PCSK5: variants seen among roughly 807,000 people sequenced by gnomAD.
PCSK5 encodes the protein prohormone convertase 5.
Under a neutral mutation model 233.2 loss-of-function variants are expected in PCSK5, and 129 were observed. The ratio of observed to expected loss-of-function variants is 0.55; its 90% CI spans 0.48 to 0.64. The LOEUF (loss-of-function observed/expected upper bound fraction) is 0.64. PCSK5 is among the 30% of genes least tolerant of loss of function. The pLI is 0.00. For missense variants in PCSK5, 2,076 were observed against 2,430.1 expected, an observed-to-expected ratio of 0.85 and a Z score of 3.06; for synonymous variants, 825 against 879.2, an observed-to-expected ratio of 0.94 and a Z score of 1.09.
chr9:76,067,103 G>T lies in PCSK5; in HGVS notation c.633-852G>T, dbSNP rs149200372. On this transcript the variant is annotated intron_variant, in intron 5 of 37. Transcript: ENST00000674117. ...GAATTCTTCCCAGCACACAGTTTTA[G>T]GCCACCGTTTCTAAGCAAATTGTAC... is the stretch of plus-strand genomic sequence containing the variant. Among the ~76,000 whole-genome samples, 11 of 152,254 alleles carry T rather than the reference G, an allele frequency of 7.2e-5. No individual in the cohort carries two copies. In the East Asian group the frequency reaches 2.1e-3, roughly 29 times the overall value.
At chr9:76,175,292 G>GAATAGAATAC (rs1564081507) in intron 14 of PCSK5, 163 bp downstream of exon 14, 3 of 357,684 alleles carry the variant, frequency 8.4e-6, no homozygotes, top group Non-Finnish European at 1.5e-5. Flanking sequence ...GAATCGAATC[G>GAATAGAATAC]AATAGAATAG....
chr9:76,256,723 C>T (rs1826994662), intron 24 of PCSK5, among the ~76,000 whole-genome samples: 1 of 152,194 alleles, frequency 6.6e-6, no homozygotes, highest in Non-Finnish European at 1.5e-5. Context: ...AAAAATGAGT[C>T]TGGCAGTAGT....
At chr9:76,071,682 T>C in intron 6 of PCSK5, 44 bp from the exon 7 acceptor site, 1 of 1,533,728 alleles carries the variant, frequency 6.5e-7, no homozygotes, top group Non-Finnish European at 8.9e-7. Context: ...GAGTGTTGTG[T>C]AGGGAAGCCC....
chr9:75,996,011 T>C (rs1827005336), intron 3 of PCSK5, among the ~76,000 whole-genome samples: 1 of 152,148 alleles, frequency 6.6e-6, no homozygotes, highest in Non-Finnish European at 1.5e-5. Context: ...GATTTTCAAA[T>C]ACTGGTCCAA....
At chr9:76,206,826 T>C (rs752139431) in intron 20 of PCSK5, among the ~76,000 whole-genome samples, 1 of 152,220 alleles carries the variant, frequency 6.6e-6, no homozygotes, top group Non-Finnish European at 1.5e-5. Flanking sequence ...TAATTTCTTA[T>C]GGCTGCTCTA....
At chr9:76,000,862 T>TG (rs1438048758) in intron 3 of PCSK5, among the ~76,000 whole-genome samples, 2 of 152,046 alleles carry the variant, frequency 1.3e-5, no homozygotes, top group African/African-American at 4.8e-5. Context: ...ATTATTATCT[T>TG]GCATATTTTG....
intron 14 of PCSK5, 117 bp downstream of exon 14, chr9:76,175,246 G>T: frequency 3.0e-6 from 2 of 667,264 alleles, no homozygotes; most frequent in Non-Finnish European, 5.2e-6. Context: ...GAAATGGAAT[G>T]GAATGGAATG....
intron 3 of PCSK5, among the ~76,000 whole-genome samples, chr9:76,019,750 G>T (rs1828101490): frequency 6.6e-6 from 1 of 152,140 alleles, no homozygotes; most frequent in Non-Finnish European, 1.5e-5. Flanking sequence ...CATAACCCTG[G>T]TATGGAAAAG....
At chr9:76,116,662 T>A (rs981573171) in intron 9 of PCSK5, among the ~76,000 whole-genome samples, 1 of 152,056 alleles carries the variant, frequency 6.6e-6, no homozygotes, top group African/African-American at 2.4e-5. Context: ...GAGCTGAGTG[T>A]TTATATTGGT....
In PCSK5 at chr9:76,308,712, C is replaced by T. The variant is rs1828777184; in HGVS notation, c.3672C>T (p.Cys1224=). 6.2e-7 allele frequency: 1 copy of T among 1,607,296 alleles called. No homozygotes were observed. The highest frequency in any genetic ancestry group is 1.1e-5 in the South Asian group (1 of 90,890). ...CKTCNGSATL[C]TSCPKGAYLL... ...CCTGCAATGGATCTGCAACTCTGTG[C>T]ACTTCATGTCCCAAAGGTTAGTGTG... Residue 1224 remains cysteine (C), a synonymous_variant, in exon 29 of 38, where the codon TGC becomes TGT. Transcript: ENST00000674117.
intron 20 of PCSK5, among the ~76,000 whole-genome samples, chr9:76,192,157 G>A (rs1435816186): frequency 6.6e-6 from 1 of 151,688 alleles, no homozygotes; most frequent in East Asian, 1.9e-4. Flanking sequence ...TTGGTACCAG[G>A]CATTTCAAGA....
chr9:76,189,484 C>A, intron 19 of PCSK5, 147 bp from the exon 20 acceptor site: 2 of 652,586 alleles, frequency 3.1e-6, no homozygotes, highest in Non-Finnish European at 5.4e-6. Context: ...CTACCTGTGT[C>A]ACCTAACCTA....
intron 7 of PCSK5, among the ~76,000 whole-genome samples, chr9:76,079,630 C>A (rs1830764565): frequency 6.6e-6 from 1 of 152,176 alleles, no homozygotes; most frequent in Non-Finnish European, 1.5e-5. Context: ...AGTTTGACTT[C>A]TTTTCCTACT....
intron 1 of PCSK5, among the ~76,000 whole-genome samples, chr9:75,907,312 A>C (rs1406390151): frequency 6.6e-6 from 1 of 152,178 alleles, no homozygotes; most frequent in African/African-American, 2.4e-5. Context: ...CAGACATGGA[A>C]CGTACGTAAA....
chr9:76,268,649 G>A (rs998039656), intron 24 of PCSK5, among the ~76,000 whole-genome samples: 8 of 151,988 alleles, frequency 5.3e-5, no homozygotes, highest in Admixed American at 2.0e-4. Context: ...TTTGAGACCC[G>A]CCTGGGGAAC....
intron 1 of PCSK5, among the ~76,000 whole-genome samples, chr9:75,922,758 C>A (rs1823308841): frequency 6.6e-6 from 1 of 152,156 alleles, no homozygotes. Flanking sequence ...TGCTTTGAGG[C>A]AAATCTCATG....
chr9:76,047,329 G>A (rs1302213858), intron 5 of PCSK5, among the ~76,000 whole-genome samples: 3 of 151,048 alleles, frequency 2.0e-5, no homozygotes, highest in Admixed American at 6.6e-5. Context: ...ATCTGCTGAC[G>A]TTGTGATCCG....
chr9:76,288,266 A>T (rs183282825), intron 24 of PCSK5, among the ~76,000 whole-genome samples: 1 of 152,166 alleles, frequency 6.6e-6, no homozygotes, highest in East Asian at 1.9e-4. Context: ...CTTGGAGAAA[A>T]CTCTGGATTT....
At chr9:76,081,001 T>C (rs1830813119) in intron 7 of PCSK5, among the ~76,000 whole-genome samples, 2 of 152,196 alleles carry the variant, frequency 1.3e-5, no homozygotes, top group Admixed American at 1.3e-4. Flanking sequence ...TAATGACCTA[T>C]GTAAGTGGGA....
Sources: allele counts gnomAD v4.1 joint callset (sites outside exome capture counted in the v4.1 genomes callset), GRCh38; gene constraint gnomAD v4.1.1; transcripts MANE v1.5; gene names NCBI Gene and HGNC (gene_info 2026-07-23, HGNC 2026-07-21).